The following ST6GALNAC3 variants were observed in gnomAD, a reference collection of about 807,000 sequenced individuals.
ST6GALNAC3 encodes the protein ST6 N-acetylgalactosaminide alpha-2,6-sialyltransferase 3, also known as alpha-N-acetylgalactosaminide alpha-2,6-sialyltransferase 3.
A neutral mutation model predicts 32.7 loss-of-function variants in ST6GALNAC3; 25 were observed. The ratio of observed to expected loss-of-function variants is 0.76; its 90% CI spans 0.56 to 1.07. The LOEUF (loss-of-function observed/expected upper bound fraction) is 1.07. Among genes scored for constraint, ST6GALNAC3 ranks in the 50% least tolerant of loss-of-function variants. The pLI is 0.00. For missense variants in ST6GALNAC3, 355 were observed against 382.4 expected (o/e 0.93, Z 0.60); for synonymous variants, 129 against 133.1 (o/e 0.97, Z 0.21).
At chr1:76,496,703 AAATT>A (rs1412024138) in intron 3 of ST6GALNAC3, among the ~76,000 whole-genome samples, 1 of 152,190 alleles carries the variant, frequency 6.6e-6, no homozygotes, top group Non-Finnish European at 1.5e-5. Flanking sequence ...AGGTATAATT[AAATT>A]GTGTCCCAGC....
intron 3 of ST6GALNAC3, among the ~76,000 whole-genome samples, chr1:76,485,541 T>A (rs1660050599): frequency 6.6e-6 from 1 of 152,218 alleles, no homozygotes; most frequent in African/African-American, 2.4e-5. Context: ...TGATGGTTGT[T>A]TGTATTTCTG....
chr1:76,108,654 A>G (rs1647707121), intron 1 of ST6GALNAC3, among the ~76,000 whole-genome samples: 1 of 152,222 alleles, frequency 6.6e-6, no homozygotes, highest in Non-Finnish European at 1.5e-5. Flanking sequence ...CAGTCTTTAC[A>G]GGAGTTGTCT....
intron 1 of ST6GALNAC3, among the ~76,000 whole-genome samples, chr1:76,203,686 T>C (rs1654662493): frequency 6.6e-6 from 1 of 152,196 alleles, no homozygotes; most frequent in South Asian, 2.1e-4. Flanking sequence ...TTTTAAAGTG[T>C]ATAAATTTTT....
At chr1:76,263,804 C>T (rs1658377932) in intron 1 of ST6GALNAC3, among the ~76,000 whole-genome samples, 1 of 152,166 alleles carries the variant, frequency 6.6e-6, no homozygotes, top group Non-Finnish European at 1.5e-5. Context: ...AAGTCAGGGT[C>T]ACCCCTTGTG....
intron 1 of ST6GALNAC3, among the ~76,000 whole-genome samples, chr1:76,148,176 G>T (rs889767020): frequency 6.6e-6 from 1 of 152,132 alleles, no homozygotes; most frequent in African/African-American, 2.4e-5. Context: ...ACTGCTTGAC[G>T]CATCTGTTTC....
At chr1:76,262,679 T>C (rs1476702379) in intron 1 of ST6GALNAC3, among the ~76,000 whole-genome samples, 1 of 152,170 alleles carries the variant, frequency 6.6e-6, no homozygotes. Flanking sequence ...AGGAGAAAGA[T>C]GGCAGTGGAA....
In ST6GALNAC3 at chr1:76,138,990, C is replaced by T. The variant is rs147325383; in HGVS notation, c.18+64106C>T. On this transcript the variant is annotated intron_variant, in intron 1 of 4. Transcript: ENST00000328299. ...CGGGCGGATTACGAGGTCAGGAGAT[C>T]GAGACCATCCTGGCTAACACGGTGA... 7.7e-3 allele frequency among the ~76,000 whole-genome samples: 1,167 copies of T among 152,120 alleles called. 14 individuals carry two copies. The highest frequency in any genetic ancestry group is 0.027 in the African/African-American group (1,124 of 41,496).
intron 2 of ST6GALNAC3, among the ~76,000 whole-genome samples, chr1:76,409,708 C>T (rs1654083447): frequency 6.6e-6 from 1 of 151,400 alleles, no homozygotes; most frequent in African/African-American, 2.4e-5. Flanking sequence ...ACCAAGGTGG[C>T]CAAAGAATAT....
chr1:76,635,553 G>A (rs1043619988), downstream of ST6GALNAC3, among the ~76,000 whole-genome samples: 1 of 152,144 alleles, frequency 6.6e-6, no homozygotes, highest in Non-Finnish European at 1.5e-5. Flanking sequence ...TTGGAACCAA[G>A]GCAGTTTGGC....
chr1:76,543,422 G>T (rs1396024538), intron 3 of ST6GALNAC3, among the ~76,000 whole-genome samples: 1 of 152,188 alleles, frequency 6.6e-6, no homozygotes, highest in African/African-American at 2.4e-5. Context: ...TTGGGATACT[G>T]TAGAGCCAGT....
At chr1:76,154,481 G>A (rs937115994) in intron 1 of ST6GALNAC3, among the ~76,000 whole-genome samples, 1 of 152,180 alleles carries the variant, frequency 6.6e-6, no homozygotes, top group African/African-American at 2.4e-5. Flanking sequence ...GGCAATATTA[G>A]TGTCTGGAAA....
intron 3 of ST6GALNAC3, among the ~76,000 whole-genome samples, chr1:76,543,054 C>G (rs535858598): frequency 3.3e-4 from 50 of 152,306 alleles, no homozygotes; most frequent in African/African-American, 9.9e-4. Flanking sequence ...TGCAGAACAG[C>G]TCATGCCTGA....
At chr1:76,339,204 G>A (rs1210355730) in intron 2 of ST6GALNAC3, among the ~76,000 whole-genome samples, 1 of 152,188 alleles carries the variant, frequency 6.6e-6, no homozygotes, top group East Asian at 1.9e-4. Context: ...AAGGGGACTT[G>A]CAGATGTGAT....
chr1:76,367,286 G>T (rs1650449907), intron 2 of ST6GALNAC3, among the ~76,000 whole-genome samples: 1 of 152,036 alleles, frequency 6.6e-6, no homozygotes, highest in Non-Finnish European at 1.5e-5. Flanking sequence ...GATGTCTCAG[G>T]CATGGACCTA....
intron 3 of ST6GALNAC3, among the ~76,000 whole-genome samples, chr1:76,532,033 G>A (rs1663290824): frequency 6.6e-6 from 1 of 152,088 alleles, no homozygotes; most frequent in Non-Finnish European, 1.5e-5. Context: ...GATAGCTGTC[G>A]CTCCATTTGT....
intron 3 of ST6GALNAC3, among the ~76,000 whole-genome samples, chr1:76,492,203 A>G (rs1030200578): frequency 2.0e-5 from 3 of 152,228 alleles, no homozygotes; most frequent in Admixed American, 6.5e-5. Flanking sequence ...CTGAAGGTCC[A>G]GCGAGTAGAT....
At chr1:76,171,817 CAAAA>C (rs11316194) in intron 1 of ST6GALNAC3, among the ~76,000 whole-genome samples, 17 of 133,072 alleles carry the variant, frequency 1.3e-4, no homozygotes, top group East Asian at 6.3e-4. Flanking sequence ...AAAACAACAA[CAAAA>C]AAAAAAAAAA....
In ST6GALNAC3 at chr1:76,106,795, G is replaced by A. The variant is rs2631797; in HGVS notation, c.18+31911G>A. Among the ~76,000 whole-genome samples the A allele has an allele frequency of 1.0e-2, 1,521 of 152,288 alleles. 34 individuals carry two copies. The highest frequency in any genetic ancestry group is 0.035 in the African/African-American group (1,460 of 41,550). Reference sequence around the variant, plus strand: ...CAATTATTGAAAACAACTTGCTGAAGTATATAAATAAATAAAAGTGTCATT... The same window carrying A: ...CAATTATTGAAAACAACTTGCTGAAATATATAAATAAATAAAAGTGTCATT... On this transcript the variant is annotated intron_variant, in intron 1 of 4. Transcript: ENST00000328299.
At chr1:76,525,897 A>G (rs1291494117) in intron 3 of ST6GALNAC3, among the ~76,000 whole-genome samples, 2 of 146,582 alleles carry the variant, frequency 1.4e-5, no homozygotes, top group Non-Finnish European at 3.0e-5. Flanking sequence ...TTTATTACCA[A>G]ATGCTTCAGA....
Sources: gnomAD v4.1 joint callset for allele counts (sites outside exome capture counted in the v4.1 genomes callset) on GRCh38, gnomAD v4.1.1 for gene constraint, MANE v1.5 for transcripts, NCBI Gene and HGNC (gene_info 2026-07-23, HGNC 2026-07-21) for gene names.